The following DOCK4 variants were observed in gnomAD, a reference collection of about 807,000 sequenced individuals.
The protein encoded by DOCK4 is dedicator of cytokinesis 4, also known as dedicator of cytokinesis protein 4.
DOCK4 carries 97 observed loss-of-function variants against 268.1 expected under a neutral mutation model. The observed-to-expected ratio is 0.36, with a 90% CI of 0.31 to 0.43. The LOEUF (loss-of-function observed/expected upper bound fraction) is 0.43. Among genes scored for constraint, DOCK4 ranks in the 20% least tolerant of loss-of-function variants. The pLI is 1.00. For missense variants in DOCK4, 2,145 were observed against 2,455.7 expected, an observed-to-expected ratio of 0.87 and a Z score of 2.67; for synonymous variants, 954 against 887.2, an observed-to-expected ratio of 1.08 and a Z score of -1.34.
intron 7 of DOCK4, among the ~76,000 whole-genome samples, chr7:111,979,104 G>A (rs899797363): frequency 6.6e-6 from 1 of 152,180 alleles, no homozygotes; most frequent in South Asian, 2.1e-4. Flanking sequence ...ACGCCTTTGA[G>A]TTGAAAAACT....
intron 1 of DOCK4, among the ~76,000 whole-genome samples, chr7:112,072,841 A>C (rs933532446): frequency 6.6e-6 from 1 of 152,244 alleles, no homozygotes; most frequent in African/African-American, 2.4e-5. Context: ...CTTTACTGGT[A>C]TACAACCTTC....
intron 1 of DOCK4, among the ~76,000 whole-genome samples, chr7:112,029,558 G>C (rs892852513): frequency 3.3e-5 from 5 of 152,200 alleles, no homozygotes; most frequent in Admixed American, 1.3e-4. Flanking sequence ...GGTTGGATGA[G>C]AACTGTTAGT....
At chr7:112,011,217 A>G (rs1160623558) in intron 1 of DOCK4, among the ~76,000 whole-genome samples, 1 of 152,214 alleles carries the variant, frequency 6.6e-6, no homozygotes, top group Admixed American at 6.5e-5. Context: ...TCACAGATCA[A>G]CTTCGCCCTC....
At chr7:111,777,503 A>C (rs1236172998) in intron 36 of DOCK4, among the ~76,000 whole-genome samples, 1 of 152,230 alleles carries the variant, frequency 6.6e-6, no homozygotes, top group Non-Finnish European at 1.5e-5. Flanking sequence ...AAAGGCAAAA[A>C]TTATGACACC....
chr7:112,073,685 T>C lies in DOCK4; in HGVS notation c.38-69554A>G, dbSNP rs147186518. The stretch of plus-strand genomic sequence containing the variant: ...GATAAACACCACATGATCTCACTTA[T>C]CTATGGGAGCTAAAAATAATTTTGA... On this transcript the variant is annotated intron_variant, in intron 1 of 52. Transcript: ENST00000428084. Among the ~76,000 whole-genome samples, 222 of 152,230 alleles carry C rather than the reference T, an allele frequency of 1.5e-3. 1 individual carries two copies. Among genetic ancestry groups the C allele is most frequent in the African/African-American group, 4.7e-3 (196 of 41,540 alleles).
chr7:111,929,106 G>C (rs1202198538), intron 12 of DOCK4, among the ~76,000 whole-genome samples: 2 of 152,074 alleles, frequency 1.3e-5, no homozygotes, highest in African/African-American at 2.4e-5. Flanking sequence ...TATGTATGAT[G>C]TGTATAGATG....
chr7:111,989,026 G>A lies in DOCK4; in HGVS notation c.453C>T (p.Asp151=), dbSNP rs1274796181. Residue 151 remains aspartate, a synonymous_variant, in exon 6 of 53, where the codon GAC becomes GAT. Coordinates refer to ENST00000428084, the MANE Select transcript of DOCK4 (RefSeq NM_001363540.2). ...DVKRHITARL[D]WGNEQLGLDL... ...TGCTCAATACTCACTCATTGCCCCA[G>A]TCAAGCCGGGCAGTAATGTGGCGCT... The A allele has an allele frequency of 6.2e-7, 1 of 1,611,320 alleles. No individual in the cohort carries two copies. The highest frequency in any genetic ancestry group is 1.3e-5 in the African/African-American group (1 of 75,014).
intron 30 of DOCK4, among the ~76,000 whole-genome samples, chr7:111,804,998 C>T (rs751775886): frequency 2.6e-5 from 4 of 152,162 alleles, no homozygotes; most frequent in Non-Finnish European, 4.4e-5. Flanking sequence ...GCTCTGTATG[C>T]ACTGGAGACA....
intron 1 of DOCK4, among the ~76,000 whole-genome samples, chr7:112,138,617 A>G (rs1814590320): frequency 6.6e-6 from 1 of 152,144 alleles, no homozygotes; most frequent in South Asian, 2.1e-4. Context: ...GCTATTAACA[A>G]CACACCTGCC....
chr7:112,103,617 C>G (rs1810881534), intron 1 of DOCK4, among the ~76,000 whole-genome samples: 1 of 152,190 alleles, frequency 6.6e-6, no homozygotes, highest in Admixed American at 6.5e-5. Flanking sequence ...CGCAGTGGCT[C>G]ATGCCTGTAA....
At chr7:111,761,443 C>A (rs1797400939) in intron 39 of DOCK4, among the ~76,000 whole-genome samples, 1 of 152,122 alleles carries the variant, frequency 6.6e-6, no homozygotes, top group Non-Finnish European at 1.5e-5. Context: ...TCTTTCTACT[C>A]TGAACATGGC....
At chr7:112,071,892 T>C (rs1240019554) in intron 1 of DOCK4, among the ~76,000 whole-genome samples, 1 of 152,210 alleles carries the variant, frequency 6.6e-6, no homozygotes, top group Non-Finnish European at 1.5e-5. Context: ...CTCATATTTC[T>C]AGTTAAAAAG....
At chr7:111,856,284 T>G (rs1433706467) in intron 23 of DOCK4, among the ~76,000 whole-genome samples, 3 of 152,206 alleles carry the variant, frequency 2.0e-5, no homozygotes, top group African/African-American at 7.2e-5. Context: ...GTCTTGTGAC[T>G]CCCAAAATAT....
chr7:111,883,924 G>C (rs1401581464), intron 16 of DOCK4, among the ~76,000 whole-genome samples: 1 of 147,484 alleles, frequency 6.8e-6, no homozygotes, highest in African/African-American at 2.4e-5. Flanking sequence ...AGAGCTTTCA[G>C]CAAGAACACT....
intron 31 of DOCK4, chr7:111,789,046 G>T: frequency 2.5e-6 from 1 of 397,414 alleles, no homozygotes; most frequent in African/African-American, 2.0e-5. Flanking sequence ...TTCTTTTTTA[G>T]GAGCTAAAAA....
intron 30 of DOCK4, among the ~76,000 whole-genome samples, chr7:111,796,118 G>T (rs78867349): frequency 6.6e-6 from 1 of 152,152 alleles, no homozygotes; most frequent in Non-Finnish European, 1.5e-5. Context: ...CCATTCTTGG[G>T]AATGGGTGCT....
chr7:111,915,098 T>C (rs944267981), intron 13 of DOCK4, among the ~76,000 whole-genome samples: 7 of 152,190 alleles, frequency 4.6e-5, no homozygotes, highest in African/African-American at 1.7e-4. Context: ...AAACCCTAAA[T>C]TTCCATAAGC....
intron 12 of DOCK4, among the ~76,000 whole-genome samples, chr7:111,924,433 G>A (rs966672447): frequency 3.9e-5 from 6 of 152,116 alleles, no homozygotes; most frequent in African/African-American, 1.4e-4. Context: ...GGAAGCTGAT[G>A]GGAGAGGGAA....
chr7:111,795,124 C>T (rs1799801659), intron 30 of DOCK4, among the ~76,000 whole-genome samples: 1 of 152,116 alleles, frequency 6.6e-6, no homozygotes, highest in African/African-American at 2.4e-5. Context: ...GGGGAGTCCT[C>T]ACTCTACTGC....
Sources: gnomAD v4.1 joint callset for allele counts (sites outside exome capture counted in the v4.1 genomes callset) on GRCh38, gnomAD v4.1.1 for gene constraint, MANE v1.5 for transcripts, NCBI Gene and HGNC (gene_info 2026-07-23, HGNC 2026-07-21) for gene names.